The following ADIPOQ variants were observed in gnomAD, a reference collection of about 807,000 sequenced individuals.
The protein encoded by ADIPOQ is adiponectin, C1Q and collagen domain containing, also known as adiponectin.
In ADIPOQ, 19 loss-of-function variants were observed where a neutral mutation model predicts 16.1. The observed-to-expected ratio is 1.18, with a 90% CI of 0.82 to 1.73. ADIPOQ has a LOEUF of 1.73. ADIPOQ is among the 40% of genes most tolerant of loss of function. ADIPOQ has a pLI of 0.00. For missense variants in ADIPOQ, 323 were observed against 308.3 expected, an observed-to-expected ratio of 1.05 and a Z score of -0.36; for synonymous variants, 124 against 125.5, an observed-to-expected ratio of 0.99 and a Z score of 0.08.
chr3:186,844,809 G>T (rs773654679), intron 1 of ADIPOQ, among the ~76,000 whole-genome samples: 8 of 152,114 alleles, frequency 5.3e-5, no homozygotes, highest in Non-Finnish European at 1.2e-4. Flanking sequence ...CTCCCAAAAG[G>T]CTGGGATTAT....
intron 1 of ADIPOQ, chr3:186,852,308 A>T (rs1326041742): frequency 6.6e-6 from 1 of 152,512 alleles, no homozygotes; most frequent in Non-Finnish European, 1.5e-5. Flanking sequence ...AACAGATGAC[A>T]TCCAAACTGG....
intron 1 of ADIPOQ, among the ~76,000 whole-genome samples, chr3:186,850,096 C>T (rs957782272): frequency 2.2e-4 from 34 of 151,940 alleles, no homozygotes; most frequent in Admixed American, 3.9e-4. Flanking sequence ...TGGTGAAACC[C>T]CGTCTCTACT....
intron 1 of ADIPOQ, among the ~76,000 whole-genome samples, chr3:186,849,300 T>TTTTATTGCC (rs1711671215): frequency 6.6e-6 from 1 of 152,112 alleles, no homozygotes; most frequent in South Asian, 2.1e-4. Context: ...TTCTCAGGAG[T>TTTTATTGCC]TTTATTGCCA....
chr3:186,853,884 G>A (rs1711879505), intron 2 of ADIPOQ: 2 of 328,176 alleles, frequency 6.1e-6, no homozygotes, highest in African/African-American at 2.1e-5. Flanking sequence ...TAGATGGAGG[G>A]GGTAGAATTG....
At chr3:186,854,023 G>A in intron 2 of ADIPOQ, 161 bp from the exon 3 acceptor site, 5 of 681,062 alleles carry the variant, frequency 7.3e-6, no homozygotes, top group South Asian at 4.2e-5. Flanking sequence ...GATATAGAAG[G>A]AGGAGGTAAC....
chr3:186,852,482 GTGTT>G (rs1711809729), intron 1 of ADIPOQ: 1 of 155,484 alleles, frequency 6.4e-6, no homozygotes. Flanking sequence ...TTCTCTGTGT[GTGTT>G]TGTGTGTGTG....
chr3:186,846,546 T>G (rs980581738), intron 1 of ADIPOQ, among the ~76,000 whole-genome samples: 1 of 152,140 alleles, frequency 6.6e-6, no homozygotes, highest in Non-Finnish European at 1.5e-5. Flanking sequence ...TTTTGTGTGC[T>G]TTAATGCCCT....
rs562867410 is a variant in ADIPOQ, at chr3:186,858,233, G to C, written c.*3529G>C. Reference sequence around the variant, plus strand: ...GATCCACCCGCCTCGGCCTCCCAAAGTGCTGGGATTACAGGCATGAGCCAT... The same window carrying C: ...GATCCACCCGCCTCGGCCTCCCAAACTGCTGGGATTACAGGCATGAGCCAT... On this transcript the variant is annotated 3_prime_UTR_variant, in exon 3 of 3. Coordinates refer to ENST00000320741, the MANE Select transcript of ADIPOQ (RefSeq NM_004797.4). 1.3e-5 allele frequency: 2 copies of C among 152,162 alleles called. No homozygotes were observed. Among genetic ancestry groups the C allele is most frequent in the African/African-American group, 4.8e-5 (2 of 41,432 alleles). The allele number at this position is 152,162 out of a possible 1,614,324, so 9.4% of individuals were successfully genotyped here.
intron 2 of ADIPOQ, 23 bp from the exon 3 acceptor site, chr3:186,854,161 A>T (rs1279485834): frequency 1.2e-6 from 2 of 1,610,260 alleles, no homozygotes; most frequent in African/African-American, 2.7e-5. Flanking sequence ...CTTTGTAGTC[A>T]CTGAGGTCTT....
intron 2 of ADIPOQ, chr3:186,853,726 A>G (rs935733623): frequency 4.6e-6 from 1 of 218,836 alleles, no homozygotes; most frequent in Admixed American, 5.2e-5. Context: ...AAAATGTCAA[A>G]CTGAATGTGA....
rs761272703 is a variant in ADIPOQ at position 186,853,241 on chromosome 3, C to T, written c.183C>T (p.Thr61=). The T allele has an allele frequency of 5.6e-6, 9 of 1,611,516 alleles. No individual in the cohort carries two copies. The highest frequency in any genetic ancestry group is 3.3e-5 in the South Asian group (3 of 90,736). ...GAPGRDGRDG[T]PGEKGEKGDP... ...CAGGCCGTGATGGCAGAGATGGCAC[C>T]CCTGGTGAGAAGGGTGAGAAAGGAG... Residue 61 remains threonine, a synonymous_variant, in exon 2 of 3, where the codon ACC becomes ACT. Transcript: ENST00000320741.
chr3:186,846,660 T>G (rs1711589410), intron 1 of ADIPOQ, among the ~76,000 whole-genome samples: 1 of 152,198 alleles, frequency 6.6e-6, no homozygotes, highest in South Asian at 2.1e-4. Context: ...TTTCACAGGA[T>G]TCTGCTGTTG....
chr3:186,852,630 GA>G, intron 1 of ADIPOQ: 1 of 194,752 alleles, frequency 5.1e-6, no homozygotes, highest in Non-Finnish European at 1.1e-5. Flanking sequence ...AGAAAAAGAA[GA>G]AAGGAGCCAG....
rs1243362838 is a variant in ADIPOQ, at chr3:186,856,832, A to G, written c.*2128A>G. On this transcript the variant is annotated 3_prime_UTR_variant, in exon 3 of 3. Transcript: ENST00000320741. ...TTCACAACAGAAAACCCAAAATATT[A>G]TGCAAACTACTGTAAGCAAGAAAAA... The G allele has an allele frequency of 6.6e-6, 1 of 152,174 alleles. No homozygotes were observed. Among genetic ancestry groups the G allele is most frequent in the Non-Finnish European group, 1.5e-5 (1 of 68,038 alleles). The allele number at this position is 152,174 out of a possible 1,614,324, so 9.4% of individuals were successfully genotyped here.
intron 1 of ADIPOQ, among the ~76,000 whole-genome samples, chr3:186,851,183 A>G (rs1711754697): frequency 6.6e-6 from 1 of 152,208 alleles, no homozygotes; most frequent in Admixed American, 6.5e-5. Context: ...ATAATCTAGA[A>G]GAGACAAGCA....
At chr3:186,843,829 A>G (rs967583802) in intron 1 of ADIPOQ, among the ~76,000 whole-genome samples, 8 of 152,128 alleles carry the variant, frequency 5.3e-5, no homozygotes, top group Admixed American at 2.0e-4. Context: ...TGCTCGCCCC[A>G]GTGAGTGCTG....
chr3:186,852,713 T>C (rs1215152672), intron 1 of ADIPOQ: 3 of 282,574 alleles, frequency 1.1e-5, no homozygotes, highest in Admixed American at 4.7e-5. Context: ...GGATGGATTC[T>C]TGGCAAGTCG....
chr3:186,844,070 A>G (rs868051255), intron 1 of ADIPOQ, among the ~76,000 whole-genome samples: 2 of 152,174 alleles, frequency 1.3e-5, no homozygotes, highest in South Asian at 4.1e-4. Flanking sequence ...GGGTCCCTTT[A>G]TGCTAGCAGA....
intron 1 of ADIPOQ, among the ~76,000 whole-genome samples, chr3:186,844,340 G>T (rs997049178): frequency 3.9e-5 from 6 of 151,956 alleles, no homozygotes; most frequent in Non-Finnish European, 8.8e-5. Flanking sequence ...TAGAGATGGG[G>T]TTCACCATAT....
Sources: gnomAD v4.1 joint callset for allele counts (sites outside exome capture counted in the v4.1 genomes callset) on GRCh38, gnomAD v4.1.1 for gene constraint, MANE v1.5 for transcripts, NCBI Gene and HGNC (gene_info 2026-07-23, HGNC 2026-07-21) for gene names.